Variants in CDK6 observed in about 807,000 individuals in gnomAD.
CDK6 encodes cyclin-dependent kinase 6.
Under a neutral mutation model 37.1 loss-of-function variants are expected in CDK6, and 6 were observed. That is an observed-to-expected ratio of 0.16 (90% CI 0.09 to 0.32). The LOEUF is 0.32. Ranked by LOEUF, CDK6 falls within the 10% of genes least tolerant of loss-of-function variation. The pLI, the probability that CDK6 is intolerant of heterozygous loss-of-function variation, is 1.00. For missense variants in CDK6, 224 were observed against 418.9 expected, an observed-to-expected ratio of 0.53 and a Z score of 4.06; for synonymous variants, 160 against 161.3, an observed-to-expected ratio of 0.99 and a Z score of 0.06.
intron 4 of CDK6, among the ~76,000 whole-genome samples, chr7:92,697,104 T>C (rs376077781): frequency 1.3e-5 from 2 of 152,236 alleles, no homozygotes; most frequent in East Asian, 1.9e-4. Context: ...GGACTAATAA[T>C]TGGCTCTTAA....
intron 2 of CDK6, among the ~76,000 whole-genome samples, chr7:92,792,032 G>C (rs1046093949): frequency 1.3e-5 from 2 of 152,086 alleles, no homozygotes; most frequent in Admixed American, 6.6e-5. Context: ...TGTGTCACTT[G>C]GAAATACTAC....
intron 3 of CDK6, among the ~76,000 whole-genome samples, chr7:92,754,634 CTA>C (rs1799268270): frequency 6.6e-6 from 1 of 152,212 alleles, no homozygotes; most frequent in Non-Finnish European, 1.5e-5. Flanking sequence ...AGTCAGGACT[CTA>C]TTTGGATAAC....
intron 2 of CDK6, among the ~76,000 whole-genome samples, chr7:92,779,877 T>C (rs1799944066): frequency 6.6e-6 from 1 of 152,246 alleles, no homozygotes; most frequent in African/African-American, 2.4e-5. Context: ...CTATAATATT[T>C]ATGATGCTTT....
At chr7:92,730,247 C>T (rs1350071805) in intron 3 of CDK6, among the ~76,000 whole-genome samples, 1 of 152,194 alleles carries the variant, frequency 6.6e-6, no homozygotes, top group Admixed American at 6.5e-5. Flanking sequence ...AAAAACAGGA[C>T]ATATCCAACT....
chr7:92,627,499 G>A (rs577485778), intron 5 of CDK6, among the ~76,000 whole-genome samples: 30 of 152,148 alleles, frequency 2.0e-4, no homozygotes, highest in Admixed American at 9.2e-4. Context: ...GCAAGATGAC[G>A]ATCATCAATG....
At chr7:92,618,793 A>G (rs1458711760) in intron 6 of CDK6, among the ~76,000 whole-genome samples, 1 of 152,216 alleles carries the variant, frequency 6.6e-6, no homozygotes, top group African/African-American at 2.4e-5. Flanking sequence ...ATGATTTTAT[A>G]AAAGGAAGTC....
At position 92,666,755 on chromosome 7, in the gene CDK6, C is replaced by T. The variant is rs146836681; in HGVS notation, c.647+4671G>A. 1.9e-3 allele frequency among the ~76,000 whole-genome samples: 283 copies of T among 152,256 alleles called. 3 individuals are homozygous for T. The highest frequency in any genetic ancestry group is 6.5e-3 in the African/African-American group (271 of 41,522). On this transcript the variant is annotated intron_variant, in intron 5 of 7. Transcript: ENST00000424848. ...TGCTGGTGTAAACAAACCTATTGCG[C>T]TGCCAGTCATATTAAAGTATAGCAC...
At chr7:92,675,231 A>G (rs1285117636) in intron 4 of CDK6, among the ~76,000 whole-genome samples, 1 of 152,216 alleles carries the variant, frequency 6.6e-6, no homozygotes, top group African/African-American at 2.4e-5. Context: ...TATTATGATA[A>G]ATAAATGTAT....
chr7:92,659,694 GA>G (rs1420977096), intron 5 of CDK6, among the ~76,000 whole-genome samples: 1 of 151,938 alleles, frequency 6.6e-6, no homozygotes, highest in African/African-American at 2.4e-5. Context: ...TATCCAGGGG[GA>G]TATCTTTGGG....
chr7:92,660,772 G>C (rs1796816821), intron 5 of CDK6, among the ~76,000 whole-genome samples: 1 of 152,116 alleles, frequency 6.6e-6, no homozygotes, highest in Non-Finnish European at 1.5e-5. Context: ...GGGTGACTCT[G>C]AGGACCCAGC....
chr7:92,681,489 A>C (rs1797335191), intron 4 of CDK6, among the ~76,000 whole-genome samples: 1 of 152,252 alleles, frequency 6.6e-6, no homozygotes, highest in South Asian at 2.1e-4. Flanking sequence ...ATGTCTAAGC[A>C]GATCTACCTA....
intron 5 of CDK6, among the ~76,000 whole-genome samples, chr7:92,646,696 C>T (rs538261307): frequency 6.6e-6 from 1 of 151,034 alleles, no homozygotes; most frequent in African/African-American, 2.4e-5. Context: ...CTGCGCCTGG[C>T]CAGCACCTGG....
intron 3 of CDK6, among the ~76,000 whole-genome samples, chr7:92,771,346 A>G (rs1799714140): frequency 6.6e-6 from 1 of 151,724 alleles, no homozygotes; most frequent in Admixed American, 6.6e-5. Context: ...CCGTCTCAAA[A>G]AAAAATAAAA....
rs140623167 is a variant in CDK6, at chr7:92,667,011, T to C, written c.647+4415A>G. 1.9e-3 allele frequency among the ~76,000 whole-genome samples: 284 copies of C among 152,206 alleles called. 3 individuals are homozygous for C. The highest frequency in any genetic ancestry group is 6.5e-3 in the African/African-American group (272 of 41,538). ...GTTATTGCCCCTGAAGCCCTCCTAGTGGGACAAGAAGTGGACAGGCAAGAC... is the reference window on the plus strand; with the variant it reads ...GTTATTGCCCCTGAAGCCCTCCTAGCGGGACAAGAAGTGGACAGGCAAGAC... On this transcript the variant is annotated intron_variant, in intron 5 of 7. Transcript: ENST00000424848.
At chr7:92,623,314 A>G (rs1189761545) in intron 5 of CDK6, among the ~76,000 whole-genome samples, 1 of 152,126 alleles carries the variant, frequency 6.6e-6, no homozygotes, top group Admixed American at 6.6e-5. Flanking sequence ...CATGTTTTAC[A>G]ATCACGGGCA....
At chr7:92,731,920 T>C (rs1049978728) in intron 3 of CDK6, among the ~76,000 whole-genome samples, 4 of 152,158 alleles carry the variant, frequency 2.6e-5, no homozygotes, top group African/African-American at 9.7e-5. Context: ...ACTGCAAATA[T>C]GCAATGCTAA....
At chr7:92,778,115 A>C (rs779765357) in intron 2 of CDK6, among the ~76,000 whole-genome samples, 15 of 152,112 alleles carry the variant, frequency 9.9e-5, no homozygotes, top group Middle Eastern at 3.4e-3. Context: ...AAAACCAAAA[A>C]CAAAAAACAC....
At chr7:92,616,149 G>C (rs1585338065) in intron 7 of CDK6, among the ~76,000 whole-genome samples, 1 of 152,084 alleles carries the variant, frequency 6.6e-6, no homozygotes, top group Non-Finnish European at 1.5e-5. Flanking sequence ...ATCCTAAAGT[G>C]AACTGGGTAT....
chr7:92,725,392 TGC>T, intron 4 of CDK6: 1 of 884,284 alleles, frequency 1.1e-6, no homozygotes, highest in African/African-American at 1.8e-5. Context: ...GTGGCTAAGA[TGC>T]AACAGGCTAT....
Sources: gnomAD v4.1 joint callset for allele counts (sites outside exome capture counted in the v4.1 genomes callset) on GRCh38, gnomAD v4.1.1 for gene constraint, MANE v1.5 for transcripts, NCBI Gene and HGNC (gene_info 2026-07-23, HGNC 2026-07-21) for gene names.